The following VPS52 variants were observed in gnomAD, a reference collection of about 807,000 sequenced individuals.
VPS52 encodes the protein vacuolar protein sorting-associated protein 52 homolog.
VPS52 carries 56 observed loss-of-function variants against 98.7 expected under a neutral mutation model. The ratio of observed to expected loss-of-function variants is 0.57; its 90% CI spans 0.46 to 0.71. The LOEUF is 0.71. VPS52 is among the 30% of genes least tolerant of loss of function. The pLI is 0.00. For synonymous variants in VPS52, 348 were observed against 346.4 expected (o/e 1.00, Z -0.05); for missense variants, 742 against 925.9 (o/e 0.80, Z 2.58).
In VPS52 at chr6:33,251,888, T is replaced by C. The variant is rs769450455; in HGVS notation, c.1878A>G (p.Gly626=). ...VKEAEALIER[G]QAERLRGEEA... ...CTTCCCCTCGAAGTCGCTCAGCCTG[T>C]CCACGCTCAATCAAAGCCTCAGCCT... is the stretch of plus-strand genomic sequence containing the variant. Residue 626 remains glycine (G), a synonymous_variant, in exon 18 of 20, where the codon GGA becomes GGG. Coordinates refer to ENST00000445902, the MANE Select transcript of VPS52 (RefSeq NM_022553.6). The C allele has an allele frequency of 5.0e-6, 8 of 1,613,354 alleles. No individual in the cohort carries two copies. Among genetic ancestry groups the C allele is most frequent in the Non-Finnish European group, 5.9e-6 (7 of 1,180,054 alleles).
At chr6:33,269,230 G>A (rs1186107914) in intron 5 of VPS52, 41 bp from the exon 6 acceptor site, 1 of 1,607,416 alleles carries the variant, frequency 6.2e-7, no homozygotes, top group Non-Finnish European at 8.5e-7. Context: ...TATAGGGTTT[G>A]TAGGGGATAA....
intron 17 of VPS52, among the ~76,000 whole-genome samples, chr6:33,257,620 C>T (rs186364084): frequency 1.2e-3 from 188 of 151,856 alleles, no homozygotes; most frequent in African/African-American, 3.4e-3. Context: ...AGGATGGTCT[C>T]GATCCCGTGA....
intron 17 of VPS52, among the ~76,000 whole-genome samples, chr6:33,262,773 A>G (rs1763780743): frequency 6.6e-6 from 1 of 152,252 alleles, no homozygotes; most frequent in Admixed American, 6.5e-5. Context: ...CCAGGCACAG[A>G]AAGACAAACG....
In VPS52 at chr6:33,263,471, C is replaced by T. The variant is rs776000499; in HGVS notation, c.1794+13G>A. Reference sequence around the variant, plus strand: ...ACAGAAGGCTGTCTCTTCCCTTTTCCCCACACCCCTACCTGTGTCCGAGCA... The same window carrying T: ...ACAGAAGGCTGTCTCTTCCCTTTTCTCCACACCCCTACCTGTGTCCGAGCA... On this transcript the variant is annotated intron_variant, in intron 17 of 19. Coordinates refer to ENST00000445902, the MANE Select transcript of VPS52 (RefSeq NM_022553.6). The T allele has an allele frequency of 1.2e-6, 2 of 1,612,860 alleles. No individual in the cohort carries two copies. The highest frequency in any genetic ancestry group is 4.5e-5 in the East Asian group (2 of 44,828).
Position 33,271,772 on chromosome 6 carries a change from G to A in VPS52, c.-97C>T. On this transcript the variant is annotated 5_prime_UTR_variant, in exon 1 of 20. In the 5' UTR this introduces an upstream ATG that the reference lacks. Transcript: ENST00000445902. ...AAAGGGTCTTCCTCAGCGCGAAATC[G>A]TTCCCAGATATTTGAGTTAAGTTGT... The A allele has an allele frequency of 2.0e-6, 3 of 1,478,046 alleles. No homozygotes were observed. Among genetic ancestry groups the A allele is most frequent in the Non-Finnish European group, 1.8e-6 (2 of 1,112,594 alleles). The allele number at this position is 1,478,046 out of a possible 1,614,324, so 91.6% of individuals were successfully genotyped here. A position where few individuals can be genotyped will look rare whatever the true frequency, so the allele number is the denominator to read the frequency against.
At chr6:33,255,015 G>A (rs1346237450) in intron 17 of VPS52, 2 of 151,966 alleles carry the variant, frequency 1.3e-5, no homozygotes, top group Non-Finnish European at 2.9e-5. Context: ...ATAATATTTT[G>A]GATGTAGTGG....
chr6:33,262,371 C>T (rs150948562), intron 17 of VPS52, among the ~76,000 whole-genome samples: 3 of 152,248 alleles, frequency 2.0e-5, no homozygotes, highest in African/African-American at 7.2e-5. Flanking sequence ...CAGGCAATAG[C>T]AATGCTGGCA....
In VPS52 at chr6:33,268,299, G is replaced by A; in HGVS notation, c.700-91C>T. 1 of 1,406,564 alleles carries A rather than the reference G, an allele frequency of 7.1e-7. No homozygotes were observed. Among genetic ancestry groups the A allele is most frequent in the South Asian group, 1.2e-5 (1 of 84,532 alleles). 87.1% of individuals were successfully genotyped at this position (1,406,564 alleles called of 1,614,324 possible). A position where few individuals can be genotyped will look rare whatever the true frequency, so the allele number is the denominator to read the frequency against. ...GGGAAGCAACAAATGGTAAACATAG[G>A]CAGAAGGGTGGTGAATATCTCTTTG... On this transcript the variant is annotated intron_variant, in intron 7 of 19. Transcript: ENST00000445902. This position sits in a 1 kb window ranked among gnomAD's most constrained non-coding sequence, Gnocchi z 4.0.
chr6:33,267,654 G>A lies in VPS52; in HGVS notation c.991+28C>T. 1 of 1,612,610 alleles carries A rather than the reference G, an allele frequency of 6.2e-7. No homozygotes were observed. The highest frequency in any genetic ancestry group is 1.7e-4 in the Middle Eastern group (1 of 6,060). ...AAAGTCCTCCCACTCTCAAGGCCTG[G>A]CATGAGGGTTCCCCAGTACTAGGAT... On this transcript the variant is annotated intron_variant, in intron 10 of 19. Transcript: ENST00000445902. This position sits in a 1 kb window ranked among gnomAD's most constrained non-coding sequence, Gnocchi z 4.2.
intron 1 of VPS52, 96 bp from the exon 2 acceptor site, chr6:33,270,379 GC>G: frequency 8.6e-7 from 1 of 1,162,016 alleles, no homozygotes; most frequent in Non-Finnish European, 1.2e-6. Flanking sequence ...AGAAGGAGCT[GC>G]TTTTACTGGG....
At chr6:33,266,130 G>C (rs1455576509) in intron 12 of VPS52, among the ~76,000 whole-genome samples, 1 of 151,600 alleles carries the variant, frequency 6.6e-6, no homozygotes, top group Non-Finnish European at 1.5e-5. Context: ...AAAGTGCTGG[G>C]ATTACAGGCG....
rs551574533 is a variant in VPS52 at position 33,264,071 on chromosome 6, A to G, written c.1557T>C (p.Ala519=). The change falls in exon 15 of 20, where the codon GCT becomes GCC. Residue 519 remains alanine (A), a synonymous_variant. Transcript: ENST00000445902. ...ITRRYAEFSS[A]LVSINQTIPN... The stretch of plus-strand genomic sequence containing the variant: ...GAATTGTCTGGTTGATACTGACAAG[A>G]GCGGAGGAGAACTCTGCATAGCGGC... The G allele has an allele frequency of 1.2e-6, 2 of 1,614,214 alleles. No individual in the cohort carries two copies. The highest frequency in any genetic ancestry group is 1.7e-6 in the Non-Finnish European group (2 of 1,180,040).
In VPS52 at chr6:33,270,181, C is replaced by A; in HGVS notation, c.175+18G>T. ...TCTCAGATTACAGGTACTGCACCCA[C>A]CCCATGCCATCGCTTACCATCCACT... On this transcript the variant is annotated intron_variant, in intron 2 of 19. Coordinates refer to ENST00000445902, the MANE Select transcript of VPS52 (RefSeq NM_022553.6). 1 of 1,612,168 alleles carries A rather than the reference C, an allele frequency of 6.2e-7. No individual in the cohort carries two copies. The highest frequency in any genetic ancestry group is 8.5e-7 in the Non-Finnish European group (1 of 1,178,378).
chr6:33,268,403 G>T lies in VPS52; in HGVS notation c.699+96C>A. On this transcript the variant is annotated intron_variant, in intron 7 of 19. Coordinates refer to ENST00000445902, the MANE Select transcript of VPS52 (RefSeq NM_022553.6). The surrounding 1 kb of genome is among the most constrained non-coding windows in gnomAD (Gnocchi z 4.0). ...GAAAAGGCAGGGTGAAGTCCCTGGA[G>T]ACAGGCTACAGTGAGCTCTGCCAAG... 6.8e-7 allele frequency: 1 copy of T among 1,480,830 alleles called. No homozygotes were observed. 91.7% of individuals were successfully genotyped at this position (1,480,830 alleles called of 1,614,324 possible). A position where few individuals can be genotyped will look rare whatever the true frequency, so the allele number is the denominator to read the frequency against.
intron 1 of VPS52, 115 bp downstream of exon 1, chr6:33,271,471 C>T (rs1356859937): frequency 2.1e-6 from 3 of 1,442,682 alleles, no homozygotes; most frequent in South Asian, 1.2e-5. Flanking sequence ...GGGAGCCAAA[C>T]AGGTAATATC....
chr6:33,254,239 A>G (rs1245245892), intron 17 of VPS52, among the ~76,000 whole-genome samples: 2 of 152,180 alleles, frequency 1.3e-5, no homozygotes, highest in East Asian at 1.9e-4. Context: ...ATGTCACTGC[A>G]CTCCAGCCTG....
At chr6:33,261,273 C>A (rs146603143) in intron 17 of VPS52, among the ~76,000 whole-genome samples, 5,107 of 151,850 alleles carry the variant, frequency 0.034, 197 homozygotes, top group African/African-American at 0.093. Flanking sequence ...TCAAGACAAG[C>A]CTGGCTAACA....
chr6:33,269,937 G>A, intron 3 of VPS52, 62 bp downstream of exon 3: 1 of 1,606,060 alleles, frequency 6.2e-7, no homozygotes, highest in South Asian at 1.1e-5. Context: ...GCAAGAGACT[G>A]TTGTTTTTCC....
In VPS52 at chr6:33,268,030, C is replaced by T. The variant is rs1764550265; in HGVS notation, c.801-33G>A. On this transcript the variant is annotated intron_variant, in intron 8 of 19. Coordinates refer to ENST00000445902, the MANE Select transcript of VPS52 (RefSeq NM_022553.6). This position sits in a 1 kb window ranked among gnomAD's most constrained non-coding sequence, Gnocchi z 4.0. Reference sequence around the variant, plus strand: ...GTCAGGAACATGTCAGTCTACCTGTCTCCCAAGAAACCAGATGCCCACACT... The same window carrying T: ...GTCAGGAACATGTCAGTCTACCTGTTTCCCAAGAAACCAGATGCCCACACT... The T allele has an allele frequency of 6.2e-7, 1 of 1,613,018 alleles. No homozygotes were observed. Among genetic ancestry groups the T allele is most frequent in the Middle Eastern group, 1.6e-4 (1 of 6,062 alleles).
Sources: gnomAD v4.1 joint callset for allele counts (sites outside exome capture counted in the v4.1 genomes callset) on GRCh38, gnomAD v4.1.1 for gene constraint, Gnocchi (gnomAD v3.1) non-coding constraint, MANE v1.5 for transcripts, NCBI Gene and HGNC (gene_info 2026-07-23, HGNC 2026-07-21) for gene names.